Variants in PCDHGA4 observed in about 807,000 individuals in gnomAD.
PCDHGA4 encodes the protein protocadherin gamma subfamily A, 4, also known as protocadherin gamma-A4.
PCDHGA4 carries 38 observed loss-of-function variants against 54.6 expected under a neutral mutation model. The observed-to-expected ratio is 0.70, with a 90% CI of 0.54 to 0.91. PCDHGA4 has a LOEUF of 0.91. Among genes scored for constraint, PCDHGA4 ranks in the 40% least tolerant of loss-of-function variants. The pLI, the probability that PCDHGA4 is intolerant of heterozygous loss-of-function variation, is 0.00. For synonymous variants in PCDHGA4, 511 were observed against 512.9 expected, an observed-to-expected ratio of 1.00 and a Z score of 0.05; for missense variants, 1,298 against 1,220.9, an observed-to-expected ratio of 1.06 and a Z score of -0.94.
At chr5:141,421,159 C>G (rs2096549842) in intron 1 of PCDHGA4, 3 of 1,236,898 alleles carry the variant, frequency 2.4e-6, no homozygotes. Flanking sequence ...CCTAGGACTT[C>G]ATAGATACAT....
chr5:141,408,346 G>T (rs1248648378), intron 1 of PCDHGA4: 1 of 1,613,824 alleles, frequency 6.2e-7, no homozygotes, highest in African/African-American at 1.3e-5. Context: ...CGGTGGTGGG[G>T]AACCTCGCTA....
chr5:141,410,766 AG>A, intron 1 of PCDHGA4: 1 of 1,032,268 alleles, frequency 9.7e-7, no homozygotes, highest in Non-Finnish European at 1.3e-6. Context: ...TTTCAATTAT[AG>A]TTTTCACTAT....
chr5:141,430,804 G>T, intron 1 of PCDHGA4: 2 of 1,525,868 alleles, frequency 1.3e-6, no homozygotes, highest in Non-Finnish European at 1.8e-6. Context: ...GGCTTGTCCT[G>T]CTGGGAATCC....
chr5:141,427,921 G>A (rs2097089596), intron 1 of PCDHGA4: 3 of 1,580,128 alleles, frequency 1.9e-6, no homozygotes, highest in African/African-American at 1.3e-5. Flanking sequence ...AACATGAGCC[G>A]GCGCATGTTG....
At chr5:141,471,801 CAT>C (rs1165290367) in intron 1 of PCDHGA4, among the ~76,000 whole-genome samples, 1 of 152,114 alleles carries the variant, frequency 6.6e-6, no homozygotes, top group African/African-American at 2.4e-5. Context: ...ATATAAAAGA[CAT>C]ATAAAAGACT....
chr5:141,441,126 C>A (rs1319809408), intron 1 of PCDHGA4: 2 of 152,062 alleles, frequency 1.3e-5, no homozygotes, highest in Admixed American at 1.3e-4. Context: ...CAGTTGAGAC[C>A]GAATTTCTAG....
At chr5:141,406,574 C>A (rs941574087) in intron 1 of PCDHGA4, among the ~76,000 whole-genome samples, 1 of 152,164 alleles carries the variant, frequency 6.6e-6, no homozygotes, top group African/African-American at 2.4e-5. Context: ...CCCTAGTAAA[C>A]CAATTTTTTC....
intron 1 of PCDHGA4, among the ~76,000 whole-genome samples, chr5:141,482,410 T>G (rs1054330181): frequency 2.3e-4 from 35 of 151,890 alleles, no homozygotes; most frequent in Non-Finnish European, 1.0e-4. Flanking sequence ...AATAACTATT[T>G]GTTGAACTAA....
rs6883529 is a variant in PCDHGA4, at chr5:141,427,618, A to G, written c.2515-67189A>G. On this transcript the variant is annotated intron_variant, in intron 1 of 3. Coordinates refer to ENST00000571252, the MANE Select transcript of PCDHGA4 (RefSeq NM_018917.4). ...ACCCTACGCATTGGTGAAGTCAACG[A>G]CAATGCTCCGGTTTTCCACCAAGTC... The G allele has an allele frequency of 3.3e-3, 2,299 of 695,914 alleles. 37 individuals are homozygous for G. In the African/African-American group the frequency reaches 0.033, roughly 10 times the overall value. 43.1% of individuals were successfully genotyped at this position (695,914 alleles called of 1,614,324 possible).
Position 141,405,224 on chromosome 5 carries a change from T to C in PCDHGA4, c.2514+47603T>C, listed in dbSNP as rs542102197. Reference sequence around the variant, plus strand: ...CCTACAGACCTATTCTCAGGAGTTCTCCCTCACCGCTGACTCAAGGAAGAG... The same window carrying C: ...CCTACAGACCTATTCTCAGGAGTTCCCCCTCACCGCTGACTCAAGGAAGAG... On this transcript the variant is annotated intron_variant, in intron 1 of 3. Coordinates refer to ENST00000571252, the MANE Select transcript of PCDHGA4 (RefSeq NM_018917.4). The C allele has an allele frequency of 2.6e-5, 42 of 1,614,036 alleles. No homozygotes were observed. The African/African-American group carries it at 4.7e-4, about 18-fold the overall frequency.
At chr5:141,408,714 A>G (rs771519650) in intron 1 of PCDHGA4, 8 of 1,612,346 alleles carry the variant, frequency 5.0e-6, no homozygotes, top group Non-Finnish European at 6.8e-6. Context: ...AAAGATTATA[A>G]GATAAACTCT....
At chr5:141,383,220 C>T in intron 1 of PCDHGA4, 1 of 1,613,982 alleles carries the variant, frequency 6.2e-7, no homozygotes, top group East Asian at 2.2e-5. Context: ...TAAACTTTAA[C>T]ATCCTGATGG....
intron 1 of PCDHGA4, chr5:141,393,859 T>A (rs1348760722): frequency 1.9e-6 from 3 of 1,613,994 alleles, no homozygotes; most frequent in Non-Finnish European, 2.5e-6. Flanking sequence ...GAAGTGATCA[T>A]TACGTCTTTG....
chr5:141,370,148 C>T, intron 1 of PCDHGA4: 1 of 445,956 alleles, frequency 2.2e-6, no homozygotes, highest in East Asian at 3.3e-5. Flanking sequence ...GTCACCATTA[C>T]TGCAGTTCTG....
In PCDHGA4 at chr5:141,375,764, G is replaced by A. The variant is rs746447899; in HGVS notation, c.2514+18143G>A. 1.7e-5 allele frequency: 27 copies of A among 1,614,116 alleles called. No individual in the cohort carries two copies. The highest frequency in any genetic ancestry group is 2.0e-5 in the Non-Finnish European group (24 of 1,180,044). ...GCTGGACCAGAATGACAATGCGCCCGAGATCCTGTACCCCGCCCTCCCCAC... is the reference window on the plus strand; with the variant it reads ...GCTGGACCAGAATGACAATGCGCCCAAGATCCTGTACCCCGCCCTCCCCAC... On this transcript the variant is annotated intron_variant, in intron 1 of 3. Transcript: ENST00000571252.
chr5:141,489,250 A>C lies in PCDHGA4; in HGVS notation c.2515-5557A>C. 1 of 1,546,554 alleles carries C rather than the reference A, an allele frequency of 6.5e-7. No individual in the cohort carries two copies. The highest frequency in any genetic ancestry group is 8.7e-7 in the Non-Finnish European group (1 of 1,146,722). On this transcript the variant is annotated intron_variant, in intron 1 of 3. Transcript: ENST00000571252. This position sits in a 1 kb window ranked among gnomAD's most constrained non-coding sequence, Gnocchi z 4.5. The stretch of plus-strand genomic sequence containing the variant: ...AAGGGACTTCTGGGTCATGGGGCCC[A>C]AGACACTCCCACAGCTCGCTGGGAA...
chr5:141,410,174 G>A (rs1369332920), intron 1 of PCDHGA4: 4 of 1,613,588 alleles, frequency 2.5e-6, no homozygotes, highest in East Asian at 2.2e-5. Flanking sequence ...CTCTGCCACC[G>A]CCACGCTTCA....
rs558074504 is a variant in PCDHGA4 at position 141,489,065 on chromosome 5, C to A, written c.2515-5742C>A. ...CCACTCAAATTCAGCTCCCCTCCCCCCTGCCCACCCCCGCCACTCGGTGAC... is the reference window on the plus strand; with the variant it reads ...CCACTCAAATTCAGCTCCCCTCCCCACTGCCCACCCCCGCCACTCGGTGAC... On this transcript the variant is annotated intron_variant, in intron 1 of 3. Transcript: ENST00000571252. The surrounding 1 kb of genome is among the most constrained non-coding windows in gnomAD (Gnocchi z 4.5). 1,377 of 389,040 alleles carry A rather than the reference C, an allele frequency of 3.5e-3. 31 individuals carry two copies. Among genetic ancestry groups the A allele is most frequent in the Admixed American group, 9.8e-3 (226 of 22,946 alleles). 24.1% of individuals were successfully genotyped at this position (389,040 alleles called of 1,614,324 possible).
At chr5:141,478,493 G>A in intron 1 of PCDHGA4, 1 of 1,613,176 alleles carries the variant, frequency 6.2e-7, no homozygotes, top group Non-Finnish European at 8.5e-7. Flanking sequence ...GCGGAGCTGT[G>A]ATCCGGTGTT....
Sources: gnomAD v4.1 joint callset for allele counts (sites outside exome capture counted in the v4.1 genomes callset) on GRCh38, gnomAD v4.1.1 for gene constraint, Gnocchi (gnomAD v3.1) non-coding constraint, MANE v1.5 for transcripts, NCBI Gene and HGNC (gene_info 2026-07-23, HGNC 2026-07-21) for gene names.